Variants in TMEM163 observed in about 807,000 individuals in gnomAD.
TMEM163 encodes the protein transmembrane protein 163.
TMEM163 carries 17 observed loss-of-function variants against 29.3 expected under a neutral mutation model. That is an observed-to-expected ratio of 0.58 (90% CI 0.40 to 0.87). The LOEUF (loss-of-function observed/expected upper bound fraction) is 0.87, where lower values mean the gene tolerates loss of function less well. Among genes scored for constraint, TMEM163 ranks in the 40% least tolerant of loss-of-function variants. The pLI is 0.00. For missense variants in TMEM163, 303 were observed against 381.5 expected (o/e 0.79, Z 1.71); for synonymous variants, 157 against 160.6 (o/e 0.98, Z 0.17).
chr2:134,537,044 C>T (rs908927778), intron 4 of TMEM163, among the ~76,000 whole-genome samples: 5 of 152,126 alleles, frequency 3.3e-5, no homozygotes, highest in African/African-American at 9.7e-5. Context: ...AAATATGTTG[C>T]CCACAGGGAA....
intron 2 of TMEM163, among the ~76,000 whole-genome samples, chr2:134,648,308 T>TCC (rs1683383956): frequency 1.1e-5 from 1 of 95,168 alleles, no homozygotes; most frequent in African/African-American, 3.2e-5. Context: ...GCTTCTCCTC[T>TCC]TCTCTTCTCT....
chr2:134,654,297 T>C (rs1216620034), intron 2 of TMEM163, among the ~76,000 whole-genome samples: 2 of 115,220 alleles, frequency 1.7e-5, no homozygotes, highest in Non-Finnish European at 3.4e-5. Flanking sequence ...TTTACCATTA[T>C]GTAATGGCCT....
At chr2:134,705,083 G>T (rs976581622) in intron 2 of TMEM163, among the ~76,000 whole-genome samples, 1 of 151,942 alleles carries the variant, frequency 6.6e-6, no homozygotes, top group African/African-American at 2.4e-5. Context: ...GGTGGCATGT[G>T]CCTGTAATCC....
intron 2 of TMEM163, among the ~76,000 whole-genome samples, chr2:134,677,499 T>G (rs1193016505): frequency 6.6e-6 from 1 of 152,206 alleles, no homozygotes; most frequent in Admixed American, 6.5e-5. Context: ...TGTATTGCTT[T>G]TATAAGCAAA....
intron 4 of TMEM163, among the ~76,000 whole-genome samples, chr2:134,517,322 T>G (rs1035881096): frequency 3.3e-5 from 5 of 152,162 alleles, no homozygotes; most frequent in Admixed American, 3.3e-4. Context: ...TACATTACCT[T>G]TCCCCTCTGA....
At chr2:134,560,534 G>A (rs1396183263) in intron 2 of TMEM163, among the ~76,000 whole-genome samples, 1 of 152,174 alleles carries the variant, frequency 6.6e-6, no homozygotes, top group Non-Finnish European at 1.5e-5. Flanking sequence ...TGAAGCCGCA[G>A]CTGGCACTTT....
intron 4 of TMEM163, among the ~76,000 whole-genome samples, chr2:134,518,873 G>C (rs1299733212): frequency 1.3e-5 from 2 of 152,244 alleles, no homozygotes; most frequent in Non-Finnish European, 1.5e-5. Context: ...GGTGTTCCAG[G>C]AAGAACTTAC....
intron 5 of TMEM163, chr2:134,468,066 G>T (rs1371961023): frequency 2.0e-5 from 3 of 152,332 alleles, no homozygotes; most frequent in African/African-American, 7.2e-5. Flanking sequence ...AGCTCTCTTT[G>T]TGCAGGACTC....
chr2:134,518,607 C>A (rs909908941), intron 4 of TMEM163, among the ~76,000 whole-genome samples: 1 of 152,218 alleles, frequency 6.6e-6, no homozygotes, highest in Non-Finnish European at 1.5e-5. Context: ...CACATCACAT[C>A]TTCTTGGCCA....
At chr2:134,489,479 A>G (rs1679382471) in intron 5 of TMEM163, among the ~76,000 whole-genome samples, 1 of 151,872 alleles carries the variant, frequency 6.6e-6, no homozygotes, top group Non-Finnish European at 1.5e-5. Flanking sequence ...TGGGAGGCTG[A>G]GGCAGGAGAA....
intron 5 of TMEM163, among the ~76,000 whole-genome samples, chr2:134,481,704 G>C (rs1271261494): frequency 6.6e-6 from 1 of 152,186 alleles, no homozygotes; most frequent in Non-Finnish European, 1.5e-5. Flanking sequence ...GAAGGAATAG[G>C]AGGGAAGCTG....
chr2:134,659,202 G>A (rs1683691984), intron 2 of TMEM163, among the ~76,000 whole-genome samples: 1 of 152,186 alleles, frequency 6.6e-6, no homozygotes, highest in Non-Finnish European at 1.5e-5. Context: ...AAGGTAATGT[G>A]TTGCAATTCG....
At chr2:134,693,366 G>T (rs1237308206) in intron 2 of TMEM163, among the ~76,000 whole-genome samples, 2 of 152,110 alleles carry the variant, frequency 1.3e-5, no homozygotes, top group Non-Finnish European at 2.9e-5. Context: ...CAGCACTTTG[G>T]CAGGCCAAGG....
At chr2:134,605,160 G>C (rs1474336016) in intron 2 of TMEM163, among the ~76,000 whole-genome samples, 3 of 149,544 alleles carry the variant, frequency 2.0e-5, no homozygotes, top group African/African-American at 7.4e-5. Flanking sequence ...CTAGGCGACA[G>C]AGTGAGACTT....
At position 134,655,725 on chromosome 2, in the gene TMEM163, C is replaced by T. The variant is rs1184961856; in HGVS notation, c.322+57475G>A. On this transcript the variant is annotated intron_variant, in intron 2 of 7. Transcript: ENST00000281924. ...TGATGGTGATGTACAGATGGGTTTT[C>T]GGTGCGGATGTCCTTTCTGTTTGTT... Among the ~76,000 whole-genome samples the T allele has an allele frequency of 1.8e-4, 25 of 141,678 alleles. 2 individuals are homozygous for T. The highest frequency in any genetic ancestry group is 8.3e-4 in the Admixed American group (12 of 14,446). 92.9% of individuals were successfully genotyped at this position (141,678 alleles called of 152,430 possible).
At chr2:134,484,572 G>A (rs1679271211) in intron 5 of TMEM163, among the ~76,000 whole-genome samples, 2 of 152,182 alleles carry the variant, frequency 1.3e-5, no homozygotes, top group South Asian at 2.1e-4. Flanking sequence ...TACTCAGGAG[G>A]CTGAGGCCCC....
chr2:134,643,189 A>G (rs1188881097), intron 2 of TMEM163, among the ~76,000 whole-genome samples: 1 of 152,154 alleles, frequency 6.6e-6, no homozygotes, highest in Non-Finnish European at 1.5e-5. Flanking sequence ...CATTAAAAGA[A>G]TAATAAGTAA....
chr2:134,700,075 T>C (rs901610888), intron 2 of TMEM163, among the ~76,000 whole-genome samples: 4 of 152,242 alleles, frequency 2.6e-5, no homozygotes, highest in Non-Finnish European at 1.5e-5. Flanking sequence ...TTTTACCTGA[T>C]AGCTTTAATT....
At chr2:134,505,515 C>G (rs1679804133) in intron 4 of TMEM163, among the ~76,000 whole-genome samples, 3 of 152,022 alleles carry the variant, frequency 2.0e-5, no homozygotes, top group African/African-American at 7.3e-5. Flanking sequence ...CTCGTGGGAC[C>G]TAATAGGCCT....
Sources: gnomAD v4.1 joint callset for allele counts (sites outside exome capture counted in the v4.1 genomes callset) on GRCh38, gnomAD v4.1.1 for gene constraint, MANE v1.5 for transcripts, NCBI Gene and HGNC (gene_info 2026-07-23, HGNC 2026-07-21) for gene names.